TSHZ2: variants seen among roughly 807,000 people sequenced by gnomAD.
The protein encoded by TSHZ2 is teashirt zinc finger homeobox 2.
In TSHZ2, 21 loss-of-function variants were observed where a neutral mutation model predicts 74.4. The ratio of observed to expected loss-of-function variants is 0.28; its 90% confidence interval spans 0.20 to 0.41. TSHZ2 has a LOEUF of 0.41. Among genes scored for constraint, TSHZ2 ranks in the 10% least tolerant of loss-of-function variants. The pLI, the probability that TSHZ2 is intolerant of heterozygous loss-of-function variation, is 1.00. For missense variants in TSHZ2, 1,244 were observed against 1,293.5 expected (o/e 0.96, Z 0.59); for synonymous variants, 540 against 515.3 (o/e 1.05, Z -0.65).
At chr20:53,371,789 T>C (rs1981480749) in intron 2 of TSHZ2, among the ~76,000 whole-genome samples, 1 of 151,140 alleles carries the variant, frequency 6.6e-6, no homozygotes, top group Admixed American at 6.6e-5. Context: ...GGTACAAGAA[T>C]TGCTTGAACC....
intron 1 of TSHZ2, among the ~76,000 whole-genome samples, chr20:53,227,966 T>C (rs374998795): frequency 6.6e-6 from 1 of 151,756 alleles, no homozygotes; most frequent in Non-Finnish European, 1.5e-5. Context: ...AAAGTTTATA[T>C]CAAATGGGCC....
In TSHZ2 at chr20:53,204,708, C is replaced by T. The variant is rs911307656; in HGVS notation, c.41-48791C>T. The stretch of plus-strand genomic sequence containing the variant: ...AAGTTTTTTGTGCTTTCTTTTATTT[C>T]ATACTCAGAATAACTCTTTGAAGCT... On this transcript the variant is annotated intron_variant, in intron 1 of 2. Transcript: ENST00000371497. Among the ~76,000 whole-genome samples the T allele has an allele frequency of 2.0e-5, 3 of 152,184 alleles. No homozygotes were observed. The South Asian group carries it at 6.2e-4, about 32-fold the overall frequency.
At chr20:53,036,707 G>A (rs963711264) in intron 1 of TSHZ2, among the ~76,000 whole-genome samples, 2 of 146,720 alleles carry the variant, frequency 1.4e-5, no homozygotes, top group Admixed American at 6.8e-5. Context: ...CTATGTATAT[G>A]TATGTATATT....
intron 1 of TSHZ2, among the ~76,000 whole-genome samples, chr20:53,009,953 T>C (rs1053430691): frequency 1.7e-4 from 26 of 152,216 alleles, no homozygotes; most frequent in Non-Finnish European, 3.2e-4. Flanking sequence ...CGTGGCATCT[T>C]GTGTTTCGGG....
At chr20:53,131,720 A>G (rs1264034188) in intron 1 of TSHZ2, among the ~76,000 whole-genome samples, 20 of 152,034 alleles carry the variant, frequency 1.3e-4, no homozygotes, top group Non-Finnish European at 1.0e-4. Flanking sequence ...TGCAGCTGCT[A>G]AAACCAGATG....
intron 2 of TSHZ2, chr20:53,399,800 G>A (rs759366500): frequency 1.3e-5 from 2 of 152,292 alleles, no homozygotes; most frequent in Admixed American, 6.5e-5. Flanking sequence ...GAAGGTCCCA[G>A]GAAGTGGGTT....
intron 2 of TSHZ2, among the ~76,000 whole-genome samples, chr20:53,330,788 G>T (rs1380140971): frequency 1.3e-5 from 2 of 152,200 alleles, no homozygotes; most frequent in East Asian, 1.9e-4. Flanking sequence ...CAAAGCAAGC[G>T]ATTAAAGAGA....
intron 1 of TSHZ2, among the ~76,000 whole-genome samples, chr20:53,030,044 T>G (rs1352557047): frequency 6.6e-6 from 1 of 152,150 alleles, no homozygotes; most frequent in Non-Finnish European, 1.5e-5. Flanking sequence ...TGCCAGTTCC[T>G]TATATTTCGT....
intron 2 of TSHZ2, among the ~76,000 whole-genome samples, chr20:53,257,957 G>A (rs1250336336): frequency 1.3e-5 from 2 of 152,182 alleles, no homozygotes; most frequent in African/African-American, 4.8e-5. Context: ...GTATTTACAT[G>A]GCATGGCTTT....
At chr20:53,174,119 G>C (rs994135685) in intron 1 of TSHZ2, among the ~76,000 whole-genome samples, 12 of 152,170 alleles carry the variant, frequency 7.9e-5, no homozygotes, top group African/African-American at 2.4e-4. Flanking sequence ...CTTTATCTGT[G>C]TGTTGTCCTA....
At chr20:53,280,815 C>T (rs1239255768) in intron 2 of TSHZ2, among the ~76,000 whole-genome samples, 1 of 152,068 alleles carries the variant, frequency 6.6e-6, no homozygotes, top group Non-Finnish European at 1.5e-5. Context: ...GTCTCAACCT[C>T]CCGAGTAGCT....
chr20:53,065,814 C>A (rs1984966864), intron 1 of TSHZ2, among the ~76,000 whole-genome samples: 1 of 152,158 alleles, frequency 6.6e-6, no homozygotes, highest in African/African-American at 2.4e-5. Context: ...GAATTAAATT[C>A]TTATTATAAT....
intron 2 of TSHZ2, among the ~76,000 whole-genome samples, chr20:53,372,790 A>G (rs1358262426): frequency 6.6e-6 from 1 of 152,192 alleles, no homozygotes; most frequent in Non-Finnish European, 1.5e-5. Context: ...TTCTTCTGAT[A>G]TTTTTAAACC....
At position 53,340,173 on chromosome 20, in the gene TSHZ2, C is replaced by CT. The variant is rs1285149762; in HGVS notation, c.*8+83605dup. ...GCTAGGATAAAACAAGGTGACTTTTCTTTCTTTTTTCTTTTTTTTTTTTTT... is the reference window on the plus strand; with the variant it reads ...GCTAGGATAAAACAAGGTGACTTTTCTTTTCTTTTTTCTTTTTTTTTTTTTT... On this transcript the variant is annotated intron_variant, in intron 2 of 2. Transcript: ENST00000371497. 6.0e-3 allele frequency among the ~76,000 whole-genome samples: 372 copies of CT among 61,982 alleles called. 16 individuals are homozygous for CT. Among genetic ancestry groups the CT allele is most frequent in the African/African-American group, 0.028 (353 of 12,482 alleles). The allele number at this position is 61,982 out of a possible 152,430, so 40.7% of individuals were successfully genotyped here. A position where few individuals can be genotyped will look rare whatever the true frequency, so the allele number is the denominator to read the frequency against.
intron 1 of TSHZ2, among the ~76,000 whole-genome samples, chr20:53,031,966 G>T (rs1047033713): frequency 2.0e-5 from 3 of 152,004 alleles, no homozygotes; most frequent in African/African-American, 7.2e-5. Context: ...AGGAAGATAG[G>T]AAGAGAGAAA....
At chr20:53,178,416 G>C (rs1430065855) in intron 1 of TSHZ2, 1 of 152,226 alleles carries the variant, frequency 6.6e-6, no homozygotes, top group African/African-American at 2.4e-5. Context: ...CACCATCACT[G>C]TTTTCATGTT....
Position 53,478,105 on chromosome 20 carries a change from G to A in TSHZ2, c.*9-9039G>A, listed in dbSNP as rs1004899967. Reference sequence around the variant, plus strand: ...CAACCATTGTGGAAGTCAGTGTGGCGATTCCTCAGGGATCTAGAACTGGAA... The same window carrying A: ...CAACCATTGTGGAAGTCAGTGTGGCAATTCCTCAGGGATCTAGAACTGGAA... On this transcript the variant is annotated intron_variant, in intron 2 of 2. Coordinates refer to ENST00000371497, the MANE Select transcript of TSHZ2 (RefSeq NM_173485.6). Among the ~76,000 whole-genome samples the A allele has an allele frequency of 6.1e-5, 9 of 147,308 alleles. 1 individual carries two copies. The highest frequency in any genetic ancestry group is 2.2e-4 in the South Asian group (1 of 4,486).
At position 53,441,221 on chromosome 20, in the gene TSHZ2, G is replaced by GTTTATTTTATTTTATTTTATTTTAT. The variant is rs11472706; in HGVS notation, c.*9-45890_*9-45866dup. On this transcript the variant is annotated intron_variant, in intron 2 of 2. Coordinates refer to ENST00000371497, the MANE Select transcript of TSHZ2 (RefSeq NM_173485.6). The stretch of plus-strand genomic sequence containing the variant: ...TTTCCATTATAACCCTTATTTATTT[G>GTTTATTTTATTTTATTTTATTTTAT]TTTATTTTATTTTATTTTATTTTAT... Among the ~76,000 whole-genome samples, 8 of 125,814 alleles carry GTTTATTTTATTTTATTTTATTTTAT rather than the reference G, an allele frequency of 6.4e-5. No homozygotes were observed. In the South Asian group the frequency reaches 8.0e-4, roughly 13 times the overall value. The allele number at this position is 125,814 out of a possible 152,430, so 82.5% of individuals were successfully genotyped here.
chr20:53,085,085 G>A (rs2123241943), intron 1 of TSHZ2, among the ~76,000 whole-genome samples: 1 of 152,210 alleles, frequency 6.6e-6, no homozygotes, highest in Non-Finnish European at 1.5e-5. Context: ...TAGATGCTGG[G>A]TGTGGTGGCT....
Sources: gnomAD v4.1 joint callset for allele counts (sites outside exome capture counted in the v4.1 genomes callset) on GRCh38, gnomAD v4.1.1 for gene constraint, MANE v1.5 for transcripts, NCBI Gene and HGNC (gene_info 2026-07-23, HGNC 2026-07-21) for gene names.